Variants in CNBD1 observed in about 807,000 individuals in gnomAD.
The protein encoded by CNBD1 is cyclic nucleotide-binding domain-containing protein 1.
In CNBD1, 71 loss-of-function variants were observed where a neutral mutation model predicts 54.4. The observed-to-expected ratio is 1.30, with a 90% CI of 1.08 to 1.59. The LOEUF is 1.59. Ranked by LOEUF, CNBD1 falls within the 40% of genes most tolerant of loss-of-function variation. The pLI is 0.00. For synonymous variants in CNBD1, 182 were observed against 170.7 expected (o/e 1.07, Z -0.51); for missense variants, 659 against 518.0 (o/e 1.27, Z -2.64).
At chr8:86,970,145 C>G (rs754144414) in intron 4 of CNBD1, among the ~76,000 whole-genome samples, 58 of 152,014 alleles carry the variant, frequency 3.8e-4, no homozygotes, top group Non-Finnish European at 7.4e-4. Context: ...ATCAGTCTTT[C>G]TGTTATTCCA....
chr8:86,996,983 T>C (rs567998013), intron 4 of CNBD1, among the ~76,000 whole-genome samples: 1 of 152,302 alleles, frequency 6.6e-6, no homozygotes, highest in South Asian at 2.1e-4. Flanking sequence ...TAATCCCATT[T>C]ATAAAGATTT....
At chr8:86,936,698 G>A (rs567571532) in intron 3 of CNBD1, among the ~76,000 whole-genome samples, 39 of 145,000 alleles carry the variant, frequency 2.7e-4, no homozygotes, top group East Asian at 1.8e-3. Flanking sequence ...AGCTGAGATC[G>A]TACCACTGCA....
At chr8:87,358,921 C>T (rs1277634942) in intron 10 of CNBD1, among the ~76,000 whole-genome samples, 2 of 152,148 alleles carry the variant, frequency 1.3e-5, no homozygotes, top group Non-Finnish European at 2.9e-5. Context: ...CCTTTTTAAT[C>T]TATTCAGGCC....
chr8:87,191,774 G>A lies in CNBD1; in HGVS notation c.432-14219G>A, dbSNP rs1455816301. ...CCCGACTGCCCACTGTGTGGACCCA[G>A]CAGCATCTTGACACGAAGTAACAGG... is the stretch of plus-strand genomic sequence containing the variant. On this transcript the variant is annotated intron_variant, in intron 4 of 10. Coordinates refer to ENST00000518476, the MANE Select transcript of CNBD1 (RefSeq NM_173538.3). 5.9e-5 allele frequency among the ~76,000 whole-genome samples: 9 copies of A among 152,186 alleles called. No homozygotes were observed. The East Asian group carries it at 1.7e-3, about 29-fold the overall frequency.
intron 1 of CNBD1, among the ~76,000 whole-genome samples, chr8:86,870,961 A>G (rs1220877654): frequency 6.6e-6 from 1 of 152,148 alleles, no homozygotes; most frequent in Non-Finnish European, 1.5e-5. Context: ...AGTATTGAAA[A>G]ATTTTTTTCC....
At chr8:87,331,290 C>G (rs570513079) in intron 8 of CNBD1, among the ~76,000 whole-genome samples, 6 of 152,308 alleles carry the variant, frequency 3.9e-5, no homozygotes, top group Admixed American at 3.3e-4. Flanking sequence ...TCAGCTCCCA[C>G]TTATGAGTGA....
At chr8:86,938,912 A>G (rs1000908546) in intron 3 of CNBD1, among the ~76,000 whole-genome samples, 2 of 152,208 alleles carry the variant, frequency 1.3e-5, no homozygotes, top group Non-Finnish European at 2.9e-5. Context: ...TAATCTTCCT[A>G]TGTATATAAT....
intron 4 of CNBD1, among the ~76,000 whole-genome samples, chr8:86,984,360 G>A (rs1808557264): frequency 6.6e-6 from 1 of 152,194 alleles, no homozygotes; most frequent in South Asian, 2.1e-4. Context: ...CAGAGGAAGG[G>A]AAATGTGGGG....
chr8:87,120,679 T>A (rs1169606034), intron 4 of CNBD1, among the ~76,000 whole-genome samples: 1 of 151,964 alleles, frequency 6.6e-6, no homozygotes, highest in African/African-American at 2.4e-5. Context: ...TTTTGCTTTT[T>A]TGATACAGGT....
intron 6 of CNBD1, among the ~76,000 whole-genome samples, chr8:87,250,844 G>A (rs1321520011): frequency 6.6e-6 from 1 of 152,158 alleles, no homozygotes; most frequent in Non-Finnish European, 1.5e-5. Flanking sequence ...GGGATTGGGG[G>A]ATAAAGTGAG....
chr8:86,916,490 C>T (rs1013573195), intron 3 of CNBD1, among the ~76,000 whole-genome samples: 1 of 152,060 alleles, frequency 6.6e-6, no homozygotes, highest in Non-Finnish European at 1.5e-5. Flanking sequence ...TGTATGCGTG[C>T]TCTCTTGAGG....
chr8:86,950,170 T>C (rs1201696636), intron 4 of CNBD1, among the ~76,000 whole-genome samples: 1 of 148,864 alleles, frequency 6.7e-6, no homozygotes, highest in Non-Finnish European at 1.5e-5. Context: ...TAAGCAATTC[T>C]CTGCCTCAGC....
At chr8:87,277,273 T>C (rs1364114351) in intron 6 of CNBD1, among the ~76,000 whole-genome samples, 1 of 151,704 alleles carries the variant, frequency 6.6e-6, no homozygotes, top group Non-Finnish European at 1.5e-5. Flanking sequence ...AATTCTGTCT[T>C]ATTCAGGGGA....
chr8:87,076,737 CG>C (rs149319474), intron 4 of CNBD1, among the ~76,000 whole-genome samples: 4,102 of 152,146 alleles, frequency 0.027, 185 homozygotes, highest in African/African-American at 0.091. Context: ...CCACCACACC[CG>C]GCTGAACTAT....
chr8:87,357,200 G>A (rs1048280474), intron 10 of CNBD1, among the ~76,000 whole-genome samples: 4 of 152,152 alleles, frequency 2.6e-5, no homozygotes, highest in Non-Finnish European at 5.9e-5. Flanking sequence ...GTGCCAAAAG[G>A]AAATTTGGGA....
chr8:87,382,091 AT>A (rs1811088753), intron 10 of CNBD1, among the ~76,000 whole-genome samples: 1 of 151,966 alleles, frequency 6.6e-6, no homozygotes, highest in Non-Finnish European at 1.5e-5. Flanking sequence ...AACTATAAAA[AT>A]GTTATTAAAT....
chr8:87,235,832 G>A (rs1807574238), intron 5 of CNBD1, among the ~76,000 whole-genome samples: 1 of 152,116 alleles, frequency 6.6e-6, no homozygotes, highest in African/African-American at 2.4e-5. Flanking sequence ...TATCTGTGAA[G>A]CACTGAAAAG....
At chr8:87,233,577 T>C (rs1807510316) in intron 5 of CNBD1, among the ~76,000 whole-genome samples, 1 of 152,202 alleles carries the variant, frequency 6.6e-6, no homozygotes, top group African/African-American at 2.4e-5. Flanking sequence ...TCAATGTTGA[T>C]GGCTGCTGGC....
intron 6 of CNBD1, among the ~76,000 whole-genome samples, chr8:87,266,421 TAAAA>T (rs541109611): frequency 4.1e-5 from 3 of 72,860 alleles, no homozygotes; most frequent in African/African-American, 1.7e-4. Context: ...GAGGTCCAAG[TAAAA>T]AAAAAAAAAA....
Sources: allele counts gnomAD v4.1 joint callset (sites outside exome capture counted in the v4.1 genomes callset), GRCh38; gene constraint gnomAD v4.1.1; transcripts MANE v1.5; gene names NCBI Gene and HGNC (gene_info 2026-07-23, HGNC 2026-07-21).